GLDC: variants seen among roughly 807,000 people sequenced by gnomAD.
GLDC encodes the protein glycine dehydrogenase (decarboxylating), mitochondrial.
GLDC carries 104 observed loss-of-function variants against 121.3 expected under a neutral mutation model. That is an observed-to-expected ratio of 0.86 (90% CI 0.73 to 1.01). The LOEUF (loss-of-function observed/expected upper bound fraction) is 1.01, where lower values mean the gene tolerates loss of function less well. GLDC is among the 50% of genes least tolerant of loss of function. The pLI is 0.00. For missense variants in GLDC, 1,429 were observed against 1,306.6 expected (o/e 1.09, Z -1.44); for synonymous variants, 546 against 480.6 (o/e 1.14, Z -1.78).
chr9:6,570,115 A>G (rs1037514843), intron 15 of GLDC, among the ~76,000 whole-genome samples: 4 of 152,306 alleles, frequency 2.6e-5, no homozygotes, highest in African/African-American at 7.2e-5. Context: ...GTAACATGAA[A>G]CCCATTTTGC....
Position 6,589,425 on chromosome 9 carries a change from T to G in GLDC, c.1483-133A>C, listed in dbSNP as rs181042221. The G allele has an allele frequency of 9.0e-5, 33 of 368,644 alleles. 1 individual carries two copies. In the East Asian group the frequency reaches 9.8e-4, roughly 11 times the overall value. 22.8% of individuals were successfully genotyped at this position (368,644 alleles called of 1,614,324 possible). ...TATATAATTTTACTTATTTATTTAT[T>G]TATTTATTTATTTAATATTTTTGGA... is the stretch of plus-strand genomic sequence containing the variant. On this transcript the variant is annotated intron_variant, in intron 11 of 24. Coordinates refer to ENST00000321612, the MANE Select transcript of GLDC (RefSeq NM_000170.3).
intron 15 of GLDC, among the ~76,000 whole-genome samples, chr9:6,572,501 G>C (rs976720698): frequency 2.0e-5 from 3 of 152,016 alleles, no homozygotes; most frequent in African/African-American, 4.8e-5. Flanking sequence ...GGAGAGACAC[G>C]GTCCTACACT....
intron 15 of GLDC, among the ~76,000 whole-genome samples, chr9:6,585,868 G>C (rs5001001): frequency 0.37 from 42,371 of 115,580 alleles, 6,153 homozygotes; most frequent in Admixed American, 0.4. Flanking sequence ...ATGTATGTAT[G>C]TATCTATCTA....
At chr9:6,546,369 T>TC (rs1352386868) in intron 21 of GLDC, among the ~76,000 whole-genome samples, 3 of 151,066 alleles carry the variant, frequency 2.0e-5, no homozygotes, top group East Asian at 2.0e-4. Flanking sequence ...TTTTTTCTTT[T>TC]TTTTTTTTTT....
chr9:6,620,269 T>G lies in GLDC; in HGVS notation c.385A>C (p.Ile129Leu). Residue 129 changes from isoleucine (I) to leucine (L), a missense_variant, in exon 3 of 25, where the codon ATC (isoleucine) becomes CTC (leucine). Ile to Leu is a conservative substitution (Grantham distance 5, BLOSUM62 2). Coordinates refer to ENST00000321612, the MANE Select transcript of GLDC (RefSeq NM_000170.3). ...TLHAISSKNQ[I>L]WRSYIGMGYY... is the part of the protein sequence containing the mutation. ...CCCATGCCAATATACGATCTCCAGA[T>G]CTGGTTTTTGCTTGAAATGGCATGC... The G allele has an allele frequency of 1.2e-6, 2 of 1,613,658 alleles. No homozygotes were observed. The highest frequency in any genetic ancestry group is 1.7e-6 in the Non-Finnish European group (2 of 1,179,520).
rs1432042685 is a variant in GLDC, at chr9:6,620,294, C to G, written c.360G>C (p.Leu120=). 8 of 1,613,460 alleles carry G rather than the reference C, an allele frequency of 5.0e-6. No individual in the cohort carries two copies. The highest frequency in any genetic ancestry group is 4.0e-5 in the African/African-American group (3 of 75,014). The change falls in exon 3 of 25, where the codon CTG becomes CTC. Residue 120 remains leucine (L), a synonymous_variant. Coordinates refer to ENST00000321612, the MANE Select transcript of GLDC (RefSeq NM_000170.3). The part of the protein sequence containing the change: ...PVCENEILAT[L]HAISSKNQIW... ...TCTGGTTTTTGCTTGAAATGGCATG[C>G]AGAGTTGCAAGGATTTCATTTTCAC...
At chr9:6,607,916 G>A (rs28876374) in intron 4 of GLDC, among the ~76,000 whole-genome samples, 5,496 of 150,904 alleles carry the variant, frequency 0.036, 332 homozygotes, top group African/African-American at 0.12. Context: ...CGAGCTCAGG[G>A]GTTCAAGACC....
chr9:6,604,876 G>T (rs2129897068), intron 6 of GLDC, 92 bp from the exon 7 acceptor site: 2 of 1,081,684 alleles, frequency 1.8e-6, no homozygotes, highest in East Asian at 4.8e-5. Flanking sequence ...CAGGAAGACG[G>T]GCAGAGTGTG....
intron 22 of GLDC, 28 bp downstream of exon 22, chr9:6,540,023 G>T: frequency 7.2e-7 from 1 of 1,385,442 alleles, no homozygotes; most frequent in Non-Finnish European, 1.0e-6. Context: ...CAGCATGGGC[G>T]GCGGCATGAA....
chr9:6,598,321 G>A (rs992490860), intron 8 of GLDC, among the ~76,000 whole-genome samples: 5 of 152,124 alleles, frequency 3.3e-5, no homozygotes, highest in Admixed American at 2.6e-4. Flanking sequence ...GTGAGCCACC[G>A]CACCCTGTTT....
At chr9:6,593,085 G>T in intron 9 of GLDC, 95 bp from the exon 10 acceptor site, 3 of 1,337,374 alleles carry the variant, frequency 2.2e-6, no homozygotes, top group Non-Finnish European at 3.2e-6. Context: ...AATTCTACTA[G>T]ACTCTTGTTG....
intron 21 of GLDC, among the ~76,000 whole-genome samples, chr9:6,545,920 C>T (rs1024535124): frequency 1.3e-5 from 2 of 152,060 alleles, no homozygotes; most frequent in East Asian, 1.9e-4. Flanking sequence ...GGATTATAGG[C>T]GTGAGCCACC....
intron 16 of GLDC, 114 bp downstream of exon 16, chr9:6,565,240 T>G (rs1470357134): frequency 2.5e-6 from 2 of 807,718 alleles, no homozygotes; most frequent in East Asian, 2.4e-5. Flanking sequence ...CTTGACTATA[T>G]GTTCCCTCAT....
rs575727438 is a variant in GLDC, at chr9:6,637,629, G to A, written c.334+6985C>T. Among the ~76,000 whole-genome samples, 57 of 152,052 alleles carry A rather than the reference G, an allele frequency of 3.7e-4. 3 individuals are homozygous for A. In the South Asian group the frequency reaches 0.012, roughly 31 times the overall value. ...CAACAGGCATGCACCACCACAGCCAGCTAATTTTTGTATTTTTAGTAGAGA... is the reference window on the plus strand; with the variant it reads ...CAACAGGCATGCACCACCACAGCCAACTAATTTTTGTATTTTTAGTAGAGA... On this transcript the variant is annotated intron_variant, in intron 2 of 24. Coordinates refer to ENST00000321612, the MANE Select transcript of GLDC (RefSeq NM_000170.3).
intron 2 of GLDC, among the ~76,000 whole-genome samples, chr9:6,640,610 G>A (rs1276984907): frequency 1.3e-5 from 2 of 152,212 alleles, no homozygotes; most frequent in African/African-American, 4.8e-5. Context: ...AGTTCTAGTT[G>A]AATAATGTGA....
intron 2 of GLDC, chr9:6,639,673 A>G (rs1345249705): frequency 2.1e-5 from 5 of 242,914 alleles, no homozygotes; most frequent in South Asian, 7.6e-5. Context: ...AAAAAAGTAT[A>G]TATATATATA....
chr9:6,565,542 T>G, intron 15 of GLDC, 113 bp from the exon 16 acceptor site: 2 of 807,240 alleles, frequency 2.5e-6, no homozygotes, highest in Admixed American at 1.8e-5. Context: ...ACATGGTCAC[T>G]GTCCAGACGC....
chr9:6,608,471 T>G (rs1818782178), intron 4 of GLDC, among the ~76,000 whole-genome samples: 1 of 149,010 alleles, frequency 6.7e-6, no homozygotes, highest in Non-Finnish European at 1.5e-5. Flanking sequence ...CCGGGCTCAG[T>G]GGCTCACGCC....
chr9:6,558,592 A>T lies in GLDC; in HGVS notation c.2019T>A (p.Tyr673Ter), dbSNP rs774506115. The T allele has an allele frequency of 1.2e-6, 2 of 1,614,192 alleles. No homozygotes were observed. The stretch of plus-strand genomic sequence containing the variant: ...TGAGGTGAACTGCATCGATATTCCC[A>T]TATTTATCCACCTCCACAGGCTGAA... ...MKIQPVEVDK[Y>*]GNIDAVHLKA... The change falls in exon 17 of 25, where the codon TAT becomes TAA. Residue 673 changes from tyrosine (Y) to a stop codon, truncating the protein, a stop_gained. Transcript: ENST00000321612. LOFTEE classifies it high-confidence loss of function.
Sources: allele counts gnomAD v4.1 joint callset (sites outside exome capture counted in the v4.1 genomes callset), GRCh38; gene constraint gnomAD v4.1.1; transcripts MANE v1.5; gene names NCBI Gene and HGNC (gene_info 2026-07-23, HGNC 2026-07-21).